Variants in TPMT observed in about 807,000 individuals in gnomAD.
TPMT encodes thiopurine S-methyltransferase.
Under a neutral mutation model 34.2 loss-of-function variants are expected in TPMT, and 18 were observed. The ratio of observed to expected loss-of-function variants is 0.53; its 90% confidence interval spans 0.36 to 0.78. The LOEUF (loss-of-function observed/expected upper bound fraction) is 0.78. Among genes scored for constraint, TPMT ranks in the 30% least tolerant of loss-of-function variants. TPMT has a pLI of 0.00. For synonymous variants in TPMT, 69 were observed against 92.4 expected (o/e 0.75, Z 1.45); for missense variants, 265 against 288.1 (o/e 0.92, Z 0.58).
chr6:18,133,910 T>C (rs982714135), intron 6 of TPMT, 21 bp from the exon 7 acceptor site: 3 of 1,602,996 alleles, frequency 1.9e-6, no homozygotes, highest in Non-Finnish European at 2.6e-6. Context: ...CACAAGAAGG[T>C]ATTTGTTACA....
chr6:18,138,825 G>A lies in TPMT; in HGVS notation c.494+138C>T. On this transcript the variant is annotated intron_variant, in intron 6 of 8. Coordinates refer to ENST00000309983, the MANE Select transcript of TPMT (RefSeq NM_000367.5). The surrounding 1 kb of genome is among the most constrained non-coding windows in gnomAD (Gnocchi z 4.1). Reference sequence around the variant, plus strand: ...TACTTTTTAGACAAAGCTAGTATTGGATTTAGGTTTTTATAAATTCCAAAC... The same window carrying A: ...TACTTTTTAGACAAAGCTAGTATTGAATTTAGGTTTTTATAAATTCCAAAC... 3 of 738,594 alleles carry A rather than the reference G, an allele frequency of 4.1e-6. No individual in the cohort carries two copies. The highest frequency in any genetic ancestry group is 2.3e-6 in the Non-Finnish European group (1 of 442,248). The allele number at this position is 738,594 out of a possible 1,614,324, so 45.8% of individuals were successfully genotyped here.
chr6:18,137,517 T>A (rs751494932), intron 6 of TPMT, among the ~76,000 whole-genome samples: 2 of 152,194 alleles, frequency 1.3e-5, no homozygotes, highest in East Asian at 3.8e-4. Context: ...AGCACATAAA[T>A]GACATTATTT....
At position 18,146,306 on chromosome 6, in the gene TPMT, TCTC is replaced by T. The variant is rs570227253; in HGVS notation, c.233+1514_233+1516del. Among the ~76,000 whole-genome samples, 3 of 152,132 alleles carry T rather than the reference TCTC, an allele frequency of 2.0e-5. No homozygotes were observed. The highest frequency in any genetic ancestry group is 1.9e-4 in the East Asian group (1 of 5,152). ...CCTCCGCCTCCTGGATTCAAGCAATTCTCCTGCTTCAGCTTCTCAGGTAGTTGG... is the reference window on the plus strand; with the variant it reads ...CCTCCGCCTCCTGGATTCAAGCAATTCTGCTTCAGCTTCTCAGGTAGTTGG... On this transcript the variant is annotated intron_variant, in intron 3 of 8. Transcript: ENST00000309983. The surrounding 1 kb of genome is among the most constrained non-coding windows in gnomAD (Gnocchi z 6.2).
Position 18,143,281 on chromosome 6 carries a change from C to T in TPMT, c.366+315G>A, listed in dbSNP as rs76969503. ...GGGGGGTGTGCTGTGTTATCTTTAT[C>T]TCTTCAATGTCTTAGGCAGGGTCTG... On this transcript the variant is annotated intron_variant, in intron 4 of 8. Transcript: ENST00000309983. This position sits in a 1 kb window ranked among gnomAD's most constrained non-coding sequence, Gnocchi z 6.1. Among the ~76,000 whole-genome samples the T allele has an allele frequency of 0.058, 8,765 of 152,184 alleles. 335 individuals carry two copies. The highest frequency in any genetic ancestry group is 0.1 in the African/African-American group (4,353 of 41,520).
rs1040136004 is a variant in TPMT, at chr6:18,138,459, C to T, written c.494+504G>A. ...TTTTAAAAATATTTTGTAGAGGTGG[C>T]GTCTTGCTTTGTTGCCCAGACTGGT... On this transcript the variant is annotated intron_variant, in intron 6 of 8. Transcript: ENST00000309983. This position sits in a 1 kb window ranked among gnomAD's most constrained non-coding sequence, Gnocchi z 4.1. 5.3e-5 allele frequency among the ~76,000 whole-genome samples: 8 copies of T among 151,818 alleles called. No homozygotes were observed. Among genetic ancestry groups the T allele is most frequent in the Admixed American group, 1.3e-4 (2 of 15,210 alleles).
chr6:18,151,998 T>G (rs1395885090), intron 1 of TPMT, among the ~76,000 whole-genome samples: 2 of 152,160 alleles, frequency 1.3e-5, no homozygotes, highest in African/African-American at 2.4e-5. Context: ...GTTTTACCCT[T>G]TCCAGAGAAT....
At position 18,145,548 on chromosome 6, in the gene TPMT, A is replaced by G. The variant is rs184439159; in HGVS notation, c.234-1820T>C. Reference sequence around the variant, plus strand: ...GTTAGAATTCAGTTTTGAAACAAGTATAGCAGGACTGACTGTACCTTTTAT... The same window carrying G: ...GTTAGAATTCAGTTTTGAAACAAGTGTAGCAGGACTGACTGTACCTTTTAT... On this transcript the variant is annotated intron_variant, in intron 3 of 8. Coordinates refer to ENST00000309983, the MANE Select transcript of TPMT (RefSeq NM_000367.5). This position sits in a 1 kb window ranked among gnomAD's most constrained non-coding sequence, Gnocchi z 5.6. 6.6e-6 allele frequency among the ~76,000 whole-genome samples: 1 copy of G among 152,368 alleles called. No homozygotes were observed. Among genetic ancestry groups the G allele is most frequent in the East Asian group, 1.9e-4 (1 of 5,186 alleles).
chr6:18,152,737 C>T (rs770478151), intron 1 of TPMT, among the ~76,000 whole-genome samples: 4 of 151,978 alleles, frequency 2.6e-5, no homozygotes, highest in South Asian at 2.1e-4. Context: ...GTAGATAGAG[C>T]GTCAGATACA....
intron 4 of TPMT, among the ~76,000 whole-genome samples, chr6:18,141,470 G>C (rs370990842): frequency 6.6e-6 from 1 of 151,946 alleles, no homozygotes. Context: ...CTCCAGAGTA[G>C]CTAGGATTAT....
rs1368486477 is a variant in TPMT at position 18,138,023 on chromosome 6, G to A, written c.494+940C>T. On this transcript the variant is annotated intron_variant, in intron 6 of 8. Transcript: ENST00000309983. The surrounding 1 kb of genome is among the most constrained non-coding windows in gnomAD (Gnocchi z 4.1). ...TCGAACTCCTGACCTCAGGCGATCC[G>A]CCCACCTTGGCCTCCCAAAGTGCTA... Among the ~76,000 whole-genome samples, 4 of 151,880 alleles carry A rather than the reference G, an allele frequency of 2.6e-5. No homozygotes were observed. Among genetic ancestry groups the A allele is most frequent in the East Asian group, 1.9e-4 (1 of 5,156 alleles).
intron 6 of TPMT, among the ~76,000 whole-genome samples, chr6:18,137,715 T>A (rs1784068121): frequency 6.6e-6 from 1 of 152,236 alleles, no homozygotes; most frequent in Admixed American, 6.5e-5. Context: ...TTCCTACATA[T>A]TTCATTTCTT....
chr6:18,146,365 A>G lies in TPMT; in HGVS notation c.233+1458T>C, dbSNP rs1047276839. On this transcript the variant is annotated intron_variant, in intron 3 of 8. Transcript: ENST00000309983. This position sits in a 1 kb window ranked among gnomAD's most constrained non-coding sequence, Gnocchi z 6.2. Reference sequence around the variant, plus strand: ...CAAGCGTACGCTGCCATGCCTGGCTAATTTTTGTATTTTTAGTAGAGATGG... The same window carrying G: ...CAAGCGTACGCTGCCATGCCTGGCTGATTTTTGTATTTTTAGTAGAGATGG... Among the ~76,000 whole-genome samples, 2 of 151,922 alleles carry G rather than the reference A, an allele frequency of 1.3e-5. No homozygotes were observed. The highest frequency in any genetic ancestry group is 1.5e-5 in the Non-Finnish European group (1 of 67,990).
At chr6:18,142,626 C>T (rs529150911) in intron 4 of TPMT, among the ~76,000 whole-genome samples, 2 of 152,040 alleles carry the variant, frequency 1.3e-5, no homozygotes, top group Non-Finnish European at 2.9e-5. Context: ...TACACTGGCT[C>T]ATTCTGCTCA....
At position 18,153,786 on chromosome 6, in the gene TPMT, C is replaced by T. The variant is rs1409761269; in HGVS notation, c.-45+1247G>A. On this transcript the variant is annotated intron_variant, in intron 1 of 8. Coordinates refer to ENST00000309983, the MANE Select transcript of TPMT (RefSeq NM_000367.5). This position sits in a 1 kb window ranked among gnomAD's most constrained non-coding sequence, Gnocchi z 4.2. ...GAAACTCTGGAACCTAAATTCAAGG[C>T]TTCATAAAGCAGTTCTCTACTTAAA... 6.6e-6 allele frequency among the ~76,000 whole-genome samples: 1 copy of T among 152,200 alleles called. No homozygotes were observed. The highest frequency in any genetic ancestry group is 6.5e-5 in the Admixed American group (1 of 15,280).
chr6:18,133,092 C>G (rs1783976630), intron 7 of TPMT, among the ~76,000 whole-genome samples: 2 of 151,818 alleles, frequency 1.3e-5, no homozygotes, highest in Admixed American at 1.3e-4. Context: ...GACTGTGTCT[C>G]AAAAACAAAA....
chr6:18,141,241 T>C (rs562583222), intron 4 of TPMT, among the ~76,000 whole-genome samples: 3 of 152,226 alleles, frequency 2.0e-5, no homozygotes, highest in African/African-American at 7.2e-5. Context: ...CTTTTTGGAC[T>C]GAGTAAACTC....
At position 18,145,757 on chromosome 6, in the gene TPMT, CTGTA is replaced by C. The variant is rs748263857; in HGVS notation, c.234-2033_234-2030del. On this transcript the variant is annotated intron_variant, in intron 3 of 8. Coordinates refer to ENST00000309983, the MANE Select transcript of TPMT (RefSeq NM_000367.5). The surrounding 1 kb of genome is among the most constrained non-coding windows in gnomAD (Gnocchi z 5.6). ...TAAACAAAAACATTATTCAAATTGG[CTGTA>C]TGTGTTTTTATTTCCCATTCAACAG... 3.5e-4 allele frequency among the ~76,000 whole-genome samples: 53 copies of C among 152,246 alleles called. 1 individual carries two copies. Among genetic ancestry groups the C allele is most frequent in the Non-Finnish European group, 6.3e-4 (43 of 68,010 alleles).
rs1783901111 is a variant in TPMT, at chr6:18,129,764, T to C, written c.*904A>G. 1 of 152,142 alleles carries C rather than the reference T, an allele frequency of 6.6e-6. No homozygotes were observed. The highest frequency in any genetic ancestry group is 2.1e-4 in the South Asian group (1 of 4,830). The allele number at this position is 152,142 out of a possible 1,614,324, so 9.4% of individuals were successfully genotyped here. A position where few individuals can be genotyped will look rare whatever the true frequency, so the allele number is the denominator to read the frequency against. On this transcript the variant is annotated 3_prime_UTR_variant, in exon 9 of 9. Coordinates refer to ENST00000309983, the MANE Select transcript of TPMT (RefSeq NM_000367.5). ...AGAATTTGGGAATGTTTGTTCCATA[T>C]AGATTGTTTAATTAAAATGTATTTG...
At chr6:18,151,644 C>T (rs1358327057) in intron 1 of TPMT, among the ~76,000 whole-genome samples, 1 of 151,610 alleles carries the variant, frequency 6.6e-6, no homozygotes, top group Non-Finnish European at 1.5e-5. Context: ...CGCTCTGTCA[C>T]CCAGGCTGTA....
Sources: gnomAD v4.1 joint callset for allele counts (sites outside exome capture counted in the v4.1 genomes callset) on GRCh38, gnomAD v4.1.1 for gene constraint, Gnocchi (gnomAD v3.1) non-coding constraint, MANE v1.5 for transcripts, NCBI Gene and HGNC (gene_info 2026-07-23, HGNC 2026-07-21) for gene names.